VIPR2: variants seen among roughly 807,000 people sequenced by gnomAD.
VIPR2 encodes vasoactive intestinal peptide receptor 2.
VIPR2 carries 48 observed loss-of-function variants against 58.0 expected under a neutral mutation model. The ratio of observed to expected loss-of-function variants is 0.83; its 90% confidence interval spans 0.66 to 1.05. The LOEUF (loss-of-function observed/expected upper bound fraction) is 1.05, where lower values mean the gene tolerates loss of function less well. Among genes scored for constraint, VIPR2 ranks in the 50% least tolerant of loss-of-function variants. The probability of loss-of-function intolerance (pLI) is 0.00; values close to 1 mark genes in which losing one functional copy is unlikely to be tolerated. For synonymous variants in VIPR2, 243 were observed against 235.2 expected (o/e 1.03, Z -0.30); for missense variants, 534 against 558.0 (o/e 0.96, Z 0.43).
chr7:159,073,578 TGGCTAATTTTTGTAGAGACAG>T (rs1464695550), intron 4 of VIPR2, among the ~76,000 whole-genome samples: 1 of 152,146 alleles, frequency 6.6e-6, no homozygotes, highest in Non-Finnish European at 1.5e-5. Flanking sequence ...CCACCCCACC[TGGCTAATTTTTGTAGAGACAG>T]GGTTACATCA....
rs1854448846 is a variant in VIPR2 at position 159,043,163 on chromosome 7, T to A, written c.469A>T (p.Thr157Ser). Residue 157 changes from threonine to serine, a missense_variant, in exon 6 of 13, where the codon ACC (threonine) becomes TCC (serine). Physicochemically the swap from Thr to Ser is moderately conservative, Grantham distance 58 (BLOSUM62 1). Transcript: ENST00000262178. Reference sequence around the variant, plus strand: ...AGGTTCAGGTGGATGTAATTCCTGGTGCAGTGCAGCTTCCTGAGGTGGGGG... The same window carrying A: ...AGGTTCAGGTGGATGTAATTCCTGGAGCAGTGCAGCTTCCTGAGGTGGGGG... ...ILCLFRKLHC[T>S]RNYIHLNLFL... 2 of 1,602,710 alleles carry A rather than the reference T, an allele frequency of 1.2e-6. No homozygotes were observed. The highest frequency in any genetic ancestry group is 2.8e-5 in the African/African-American group (2 of 72,134).
chr7:159,091,609 A>G (rs1229933088), intron 4 of VIPR2, among the ~76,000 whole-genome samples: 1 of 152,176 alleles, frequency 6.6e-6, no homozygotes, highest in Non-Finnish European at 1.5e-5. Flanking sequence ...CACTCCTCAC[A>G]CAGTCCGGTT....
At chr7:159,131,196 G>A (rs1234313830) in intron 2 of VIPR2, among the ~76,000 whole-genome samples, 1 of 152,166 alleles carries the variant, frequency 6.6e-6, no homozygotes, top group Non-Finnish European at 1.5e-5. Context: ...GACCAGAGAA[G>A]AGAAAATGCT....
rs1585428129 is a variant in VIPR2, at chr7:159,077,501, T to G, written c.358-18923A>C. ...TGTCTTTGAGGTATTATAGTGTAAC[T>G]GTTATCAGATTCTAGCCCTGTTCAA... On this transcript the variant is annotated intron_variant, in intron 4 of 12. Transcript: ENST00000262178. 2.0e-5 allele frequency among the ~76,000 whole-genome samples: 3 copies of G among 151,504 alleles called. 1 individual carries two copies. Among genetic ancestry groups the G allele is most frequent in the Admixed American group, 2.0e-4 (3 of 15,254 alleles).
At chr7:159,143,868 C>CGAGG (rs1227087163) in intron 1 of VIPR2, among the ~76,000 whole-genome samples, 3 of 152,268 alleles carry the variant, frequency 2.0e-5, no homozygotes, top group African/African-American at 7.2e-5. Context: ...CGCCCACCCT[C>CGAGG]GAGGGAGGAA....
intron 2 of VIPR2, among the ~76,000 whole-genome samples, chr7:159,133,297 C>T (rs1174223535): frequency 1.0e-4 from 16 of 152,404 alleles, no homozygotes; most frequent in Non-Finnish European, 2.2e-4. Flanking sequence ...TAAACACGGC[C>T]CACGGTCCCA....
chr7:159,051,861 C>T (rs2129493775), intron 5 of VIPR2, among the ~76,000 whole-genome samples: 1 of 152,068 alleles, frequency 6.6e-6, no homozygotes, highest in Middle Eastern at 3.4e-3. Context: ...ATTAAAAGGA[C>T]AAATAGACAA....
intron 5 of VIPR2, among the ~76,000 whole-genome samples, chr7:159,056,505 C>T (rs529397401): frequency 2.2e-4 from 33 of 152,234 alleles, no homozygotes; most frequent in African/African-American, 6.0e-4. Flanking sequence ...GGACTGGAAC[C>T]GTCTCTGTCA....
At chr7:159,084,637 C>T (rs765594297) in intron 4 of VIPR2, among the ~76,000 whole-genome samples, 11 of 152,360 alleles carry the variant, frequency 7.2e-5, no homozygotes, top group East Asian at 3.9e-4. Flanking sequence ...CGTGGCCTCA[C>T]GCTGCAGAAA....
At chr7:159,077,099 T>C (rs182481773) in intron 4 of VIPR2, among the ~76,000 whole-genome samples, 5 of 152,366 alleles carry the variant, frequency 3.3e-5, no homozygotes, top group African/African-American at 1.2e-4. Context: ...CCACTATCCT[T>C]GATGCAGTTA....
chr7:159,060,482 C>T (rs1350087836), intron 4 of VIPR2, among the ~76,000 whole-genome samples: 8 of 152,026 alleles, frequency 5.3e-5, no homozygotes, highest in Non-Finnish European at 1.2e-4. Context: ...CTTCGCTTAC[C>T]CACCATATTC....
intron 4 of VIPR2, among the ~76,000 whole-genome samples, chr7:159,072,300 C>T (rs1446682099): frequency 1.3e-5 from 2 of 152,194 alleles, no homozygotes; most frequent in Non-Finnish European, 2.9e-5. Flanking sequence ...CAGAATGACA[C>T]TTATGACTAT....
At chr7:159,107,774 G>C (rs1175326167) in intron 3 of VIPR2, among the ~76,000 whole-genome samples, 1 of 152,032 alleles carries the variant, frequency 6.6e-6, no homozygotes, top group Non-Finnish European at 1.5e-5. Flanking sequence ...GTTAGGACCT[G>C]GAGAAGGAGC....
At chr7:159,082,975 C>T (rs3812305) in intron 4 of VIPR2, among the ~76,000 whole-genome samples, 4,171 of 152,314 alleles carry the variant, frequency 0.027, 80 homozygotes, top group East Asian at 0.087. Context: ...CATGTAATTA[C>T]ACACGGTGTT....
intron 4 of VIPR2, among the ~76,000 whole-genome samples, chr7:159,080,631 GAGA>G (rs1856854807): frequency 6.6e-6 from 1 of 152,188 alleles, no homozygotes; most frequent in Non-Finnish European, 1.5e-5. Context: ...AATCAGGCAG[GAGA>G]AGGAAATAAA....
At chr7:159,133,356 G>A (rs1281724725) in intron 2 of VIPR2, among the ~76,000 whole-genome samples, 47 of 152,402 alleles carry the variant, frequency 3.1e-4, no homozygotes, top group African/African-American at 1.1e-3. Flanking sequence ...GCTCCTTTCT[G>A]GAGAAAACTT....
intron 4 of VIPR2, among the ~76,000 whole-genome samples, chr7:159,065,389 C>A (rs1487630572): frequency 1.3e-5 from 2 of 152,288 alleles, no homozygotes; most frequent in Admixed American, 6.5e-5. Flanking sequence ...ATACGTCAAG[C>A]CCTGGTGTCT....
rs556126975 is a variant in VIPR2 at position 159,047,494 on chromosome 7, A to G, written c.456-4318T>C. On this transcript the variant is annotated intron_variant, in intron 5 of 12. Transcript: ENST00000262178. ...TGTCAAAGAATTCGGTTATATATGA[A>G]AAAACTAGTTTCTATTATGACAGAC... Among the ~76,000 whole-genome samples the G allele has an allele frequency of 3.0e-4, 45 of 152,166 alleles. No homozygotes were observed. In the South Asian group the frequency reaches 7.9e-3, roughly 27 times the overall value.
At chr7:159,071,424 A>G (rs1024633212) in intron 4 of VIPR2, among the ~76,000 whole-genome samples, 3 of 152,158 alleles carry the variant, frequency 2.0e-5, no homozygotes, top group Non-Finnish European at 4.4e-5. Context: ...TGGGGCCTTC[A>G]GAGAGAATCT....
Sources: gnomAD v4.1 joint callset for allele counts (sites outside exome capture counted in the v4.1 genomes callset) on GRCh38, gnomAD v4.1.1 for gene constraint, MANE v1.5 for transcripts, NCBI Gene and HGNC (gene_info 2026-07-23, HGNC 2026-07-21) for gene names.